The following NAV2 variants were observed in gnomAD, a reference collection of about 807,000 sequenced individuals.
NAV2 encodes the protein neuron navigator 2.
In NAV2, 54 loss-of-function variants were observed where a neutral mutation model predicts 223.2. The observed-to-expected ratio is 0.24, with a 90% confidence interval of 0.19 to 0.30. The LOEUF (loss-of-function observed/expected upper bound fraction) is 0.30, where lower values mean the gene tolerates loss of function less well. NAV2 is among the 10% of genes least tolerant of loss of function. The pLI, the probability that NAV2 is intolerant of heterozygous loss-of-function variation, is 1.00. For missense variants in NAV2, 2,806 were observed against 3,147.5 expected (o/e 0.89, Z 2.60); for synonymous variants, 1,279 against 1,239.3 (o/e 1.03, Z -0.67).
chr11:20,055,941 G>T lies in NAV2; in HGVS notation c.4815G>T (p.Arg1605=). 1 of 1,613,768 alleles carries T rather than the reference G, an allele frequency of 6.2e-7. No homozygotes were observed. Among genetic ancestry groups the T allele is most frequent in the South Asian group, 1.1e-5 (1 of 91,064 alleles). ...CCATGAGCCGTTCAGGCTCATTCCG[G>T]GATGGGTTTGAAGAAGGTAAGGAAG... is the stretch of plus-strand genomic sequence containing the variant. ...SRTMSRSGSF[R]DGFEEVHGSS... is the part of the protein sequence containing the mutation. The change falls in exon 19 of 38, where the codon CGG becomes CGT. Residue 1605 remains arginine, a synonymous_variant. Coordinates refer to ENST00000349880, the MANE Select transcript of NAV2 (RefSeq NM_145117.5).
At chr11:19,548,884 A>C (rs2134624116) in intron 1 of NAV2, among the ~76,000 whole-genome samples, 1 of 151,862 alleles carries the variant, frequency 6.6e-6, no homozygotes, top group East Asian at 1.9e-4. Flanking sequence ...CTCAAAAAAA[A>C]AAAAAAAAAA....
At chr11:19,589,430 G>A (rs188797682) in intron 1 of NAV2, among the ~76,000 whole-genome samples, 4 of 152,286 alleles carry the variant, frequency 2.6e-5, no homozygotes, top group African/African-American at 7.2e-5. Flanking sequence ...TGCTGGGGAA[G>A]GTGTGGTTGA....
chr11:19,643,192 T>G (rs1252620445), intron 1 of NAV2, among the ~76,000 whole-genome samples: 2 of 152,148 alleles, frequency 1.3e-5, no homozygotes, highest in African/African-American at 4.8e-5. Context: ...TACTTTAAGT[T>G]TTAGGGTACA....
intron 10 of NAV2, chr11:19,978,769 G>A (rs776859978): frequency 1.3e-5 from 2 of 151,430 alleles, no homozygotes; most frequent in African/African-American, 2.4e-5. Flanking sequence ...TCTTGACAGA[G>A]GTGATTTCTG....
chr11:19,800,697 GTGTGTGTGTT>G (rs2058198563), intron 1 of NAV2, among the ~76,000 whole-genome samples: 1 of 151,812 alleles, frequency 6.6e-6, no homozygotes, highest in Non-Finnish European at 1.5e-5. Context: ...GTGTGTGTGT[GTGTGTGTGTT>G]TGTATGCATG....
chr11:19,633,265 G>A (rs182293905), intron 1 of NAV2, among the ~76,000 whole-genome samples: 2 of 152,336 alleles, frequency 1.3e-5, no homozygotes, highest in East Asian at 3.9e-4. Flanking sequence ...CTGCCAGGTT[G>A]TTGAGGCAAG....
chr11:19,493,741 T>G (rs1241991849), intron 1 of NAV2, among the ~76,000 whole-genome samples: 1 of 152,210 alleles, frequency 6.6e-6, no homozygotes, highest in Admixed American at 6.5e-5. Flanking sequence ...TGCTGCATTC[T>G]CTGCCATCCC....
intron 1 of NAV2, among the ~76,000 whole-genome samples, chr11:19,772,532 A>G (rs976231477): frequency 6.6e-6 from 1 of 152,216 alleles, no homozygotes; most frequent in Non-Finnish European, 1.5e-5. Context: ...TAGGGTTTTC[A>G]TGCGGCAGGC....
intron 11 of NAV2, among the ~76,000 whole-genome samples, chr11:19,987,306 C>A (rs1204108102): frequency 1.3e-5 from 2 of 152,152 alleles, no homozygotes; most frequent in Non-Finnish European, 2.9e-5. Flanking sequence ...ACCTGAAAAT[C>A]GAAGGTCCCA....
intron 1 of NAV2, among the ~76,000 whole-genome samples, chr11:19,354,706 T>C (rs1853515833): frequency 6.6e-6 from 1 of 152,198 alleles, no homozygotes; most frequent in South Asian, 2.1e-4. Context: ...ATGCATAAGG[T>C]ATTAAGATCT....
intron 11 of NAV2, among the ~76,000 whole-genome samples, chr11:19,985,040 ATC>A: frequency 6.6e-6 from 1 of 152,324 alleles, no homozygotes. Context: ...TTCTTTCCAC[ATC>A]TGGGTTGATG....
intron 1 of NAV2, among the ~76,000 whole-genome samples, chr11:19,640,590 C>A (rs2047636522): frequency 6.6e-6 from 1 of 152,048 alleles, no homozygotes; most frequent in African/African-American, 2.4e-5. Flanking sequence ...AAAAACAGTT[C>A]TGTATGGTGT....
intron 17 of NAV2, among the ~76,000 whole-genome samples, chr11:20,052,689 T>C (rs998379105): frequency 3.9e-5 from 6 of 152,236 alleles, no homozygotes; most frequent in African/African-American, 1.4e-4. Context: ...TGATGTGTCC[T>C]GGAAAGTTGC....
At chr11:19,405,036 C>T (rs1392731562) in intron 1 of NAV2, among the ~76,000 whole-genome samples, 1 of 152,114 alleles carries the variant, frequency 6.6e-6, no homozygotes, top group Non-Finnish European at 1.5e-5. Flanking sequence ...CAAAAGGCAG[C>T]TAACTTTCAT....
At chr11:19,896,357 C>T (rs990248772) in intron 6 of NAV2, among the ~76,000 whole-genome samples, 2 of 152,188 alleles carry the variant, frequency 1.3e-5, no homozygotes, top group Non-Finnish European at 2.9e-5. Context: ...CTAGCAACCA[C>T]TATTCTACTC....
intron 1 of NAV2, among the ~76,000 whole-genome samples, chr11:19,607,778 C>T (rs940569613): frequency 1.3e-5 from 2 of 152,164 alleles, no homozygotes; most frequent in African/African-American, 4.8e-5. Flanking sequence ...GGAAGAGAAG[C>T]GTCGTGTGTA....
chr11:19,422,417 C>A (rs900820719), intron 1 of NAV2, among the ~76,000 whole-genome samples: 1 of 152,184 alleles, frequency 6.6e-6, no homozygotes, highest in African/African-American at 2.4e-5. Context: ...GAGACCCCCA[C>A]GGCCCTGAAG....
intron 22 of NAV2, among the ~76,000 whole-genome samples, chr11:20,071,503 G>T (rs1485876360): frequency 1.3e-5 from 2 of 152,172 alleles, no homozygotes; most frequent in Non-Finnish European, 2.9e-5. Flanking sequence ...GGGTCAAATG[G>T]TATTTCTAGT....
chr11:19,399,379 C>T (rs929607001), intron 1 of NAV2, among the ~76,000 whole-genome samples: 7 of 152,224 alleles, frequency 4.6e-5, no homozygotes, highest in Non-Finnish European at 7.3e-5. Context: ...CAGGCGCCTT[C>T]CTTCTCTCCC....
Sources: gnomAD v4.1 joint callset for allele counts (sites outside exome capture counted in the v4.1 genomes callset) on GRCh38, gnomAD v4.1.1 for gene constraint, MANE v1.5 for transcripts, NCBI Gene and HGNC (gene_info 2026-07-23, HGNC 2026-07-21) for gene names.